The following LIMA1 variants were observed in gnomAD, a reference collection of about 807,000 sequenced individuals.
LIMA1 encodes LIM domain and actin-binding protein 1.
Under a neutral mutation model 62.6 loss-of-function variants are expected in LIMA1, and 52 were observed. The ratio of observed to expected loss-of-function variants is 0.83; its 90% CI spans 0.67 to 1.05. The LOEUF is 1.05. Among genes scored for constraint, LIMA1 ranks in the 50% least tolerant of loss-of-function variants. LIMA1 has a pLI of 0.00. For missense variants in LIMA1, 780 were observed against 902.2 expected, an observed-to-expected ratio of 0.86 and a Z score of 1.74; for synonymous variants, 302 against 317.8, an observed-to-expected ratio of 0.95 and a Z score of 0.53.
At chr12:50,181,404 G>C (rs1486150839) in intron 10 of LIMA1, among the ~76,000 whole-genome samples, 1 of 152,136 alleles carries the variant, frequency 6.6e-6, no homozygotes, top group Non-Finnish European at 1.5e-5. Flanking sequence ...TCCCCGATTT[G>C]TCACATTTAT....
intron 1 of LIMA1, among the ~76,000 whole-genome samples, chr12:50,251,438 T>C (rs1197748651): frequency 6.6e-6 from 1 of 151,980 alleles, no homozygotes; most frequent in East Asian, 1.9e-4. Context: ...CTGACCAACA[T>C]GGTGAAACCC....
At chr12:50,192,330 G>T in intron 9 of LIMA1, 122 bp downstream of exon 9, 1 of 748,928 alleles carries the variant, frequency 1.3e-6, no homozygotes, top group Non-Finnish European at 2.4e-6. Context: ...GTGCTCTTCT[G>T]TGGCATTATC....
intron 2 of LIMA1, among the ~76,000 whole-genome samples, chr12:50,243,465 A>T (rs1034693133): frequency 6.6e-6 from 1 of 152,102 alleles, no homozygotes; most frequent in African/African-American, 2.4e-5. Flanking sequence ...ACCACCCTCA[A>T]CGCGCCTGAT....
At chr12:50,274,113 G>A (rs1942246758) in intron 1 of LIMA1, among the ~76,000 whole-genome samples, 1 of 152,070 alleles carries the variant, frequency 6.6e-6, no homozygotes, top group Admixed American at 6.6e-5. Flanking sequence ...GAACCCAGAT[G>A]GACCGACCTC....
At chr12:50,205,392 C>G (rs1941132974) in intron 5 of LIMA1, among the ~76,000 whole-genome samples, 1 of 152,002 alleles carries the variant, frequency 6.6e-6, no homozygotes, top group African/African-American at 2.4e-5. Context: ...AAAATTCTGG[C>G]TAATTTAACA....
intron 3 of LIMA1, among the ~76,000 whole-genome samples, chr12:50,226,158 C>T (rs1012595041): frequency 6.6e-6 from 1 of 151,920 alleles, no homozygotes; most frequent in Non-Finnish European, 1.5e-5. Context: ...GTGATCCTGC[C>T]ACCTCTGCCT....
chr12:50,190,933 C>A (rs968266288), intron 9 of LIMA1, among the ~76,000 whole-genome samples: 2 of 150,756 alleles, frequency 1.3e-5, no homozygotes. Context: ...GCTTGGGCAA[C>A]ATAGTGAGAC....
intron 2 of LIMA1, among the ~76,000 whole-genome samples, chr12:50,246,631 G>A (rs1316368971): frequency 4.6e-5 from 7 of 152,132 alleles, no homozygotes; most frequent in Admixed American, 4.6e-4. Flanking sequence ...TGCGTTCCCT[G>A]GTTTTCTTAC....
chr12:50,203,988 T>C (rs552686817), intron 6 of LIMA1, among the ~76,000 whole-genome samples: 1 of 152,286 alleles, frequency 6.6e-6, no homozygotes, highest in East Asian at 1.9e-4. Flanking sequence ...GGAAAGGTTC[T>C]GGAATTAAAC....
At chr12:50,270,845 C>G (rs1217121688) in intron 1 of LIMA1, among the ~76,000 whole-genome samples, 1 of 152,220 alleles carries the variant, frequency 6.6e-6, no homozygotes, top group East Asian at 1.9e-4. Flanking sequence ...GTAATCCCAG[C>G]ACTTTGGGAG....
At chr12:50,192,221 C>T (rs573673961) in intron 9 of LIMA1, among the ~76,000 whole-genome samples, 5 of 151,710 alleles carry the variant, frequency 3.3e-5, no homozygotes, top group African/African-American at 7.3e-5. Flanking sequence ...ATGAGTTTTC[C>T]AGAGTTCAAA....
At chr12:50,181,117 A>AC (rs1430878497) in intron 10 of LIMA1, among the ~76,000 whole-genome samples, 1 of 150,314 alleles carries the variant, frequency 6.7e-6, no homozygotes, top group Non-Finnish European at 1.5e-5. Context: ...GTATCCAAAA[A>AC]AAAAAAAAAA....
At chr12:50,263,815 CTATATA>C (rs1299778798) in intron 1 of LIMA1, among the ~76,000 whole-genome samples, 1 of 95,700 alleles carries the variant, frequency 1.0e-5, no homozygotes, top group Non-Finnish European at 2.0e-5. Flanking sequence ...GTGTGTGTGT[CTATATA>C]TATATAGAGA....
intron 9 of LIMA1, among the ~76,000 whole-genome samples, chr12:50,183,031 G>A (rs1389995349): frequency 7.3e-5 from 11 of 151,522 alleles, no homozygotes; most frequent in African/African-American, 1.2e-4. Context: ...GTGAAACCCC[G>A]TCTCCAGTAA....
chr12:50,273,701 C>G (rs892058968), intron 1 of LIMA1, among the ~76,000 whole-genome samples: 3 of 152,180 alleles, frequency 2.0e-5, no homozygotes, highest in Non-Finnish European at 4.4e-5. Context: ...AATCAGTACA[C>G]TGTCTAAACA....
intron 1 of LIMA1, among the ~76,000 whole-genome samples, chr12:50,249,130 A>G (rs1295759104): frequency 1.3e-5 from 2 of 152,214 alleles, no homozygotes; most frequent in African/African-American, 4.8e-5. Flanking sequence ...GCATCTCAGT[A>G]GAGCCAGGTC....
chr12:50,260,154 T>C (rs1021411598), intron 1 of LIMA1, among the ~76,000 whole-genome samples: 1 of 151,758 alleles, frequency 6.6e-6, no homozygotes, highest in Non-Finnish European at 1.5e-5. Context: ...TTTCTTTTTT[T>C]TTTTTTTTTT....
At chr12:50,240,728 C>T (rs1268946784) in intron 2 of LIMA1, among the ~76,000 whole-genome samples, 2 of 152,116 alleles carry the variant, frequency 1.3e-5, no homozygotes, top group Non-Finnish European at 2.9e-5. Flanking sequence ...GTGTCCGGAG[C>T]TCAGAAGAAA....
Position 50,215,564 on chromosome 12 carries a change from G to C in LIMA1, c.630+6457C>G, listed in dbSNP as rs1288340629. Among the ~76,000 whole-genome samples, 5 of 152,184 alleles carry C rather than the reference G, an allele frequency of 3.3e-5. No individual in the cohort carries two copies. In the East Asian group the frequency reaches 9.7e-4, roughly 30 times the overall value. On this transcript the variant is annotated intron_variant, in intron 4 of 10. Transcript: ENST00000341247. ...GGCTCACTGCAAGCTCCGCCTCCCGGGTTCACGCCATTCTCCTGCCTCAGC... is the reference window on the plus strand; with the variant it reads ...GGCTCACTGCAAGCTCCGCCTCCCGCGTTCACGCCATTCTCCTGCCTCAGC...
Sources: gnomAD v4.1 joint callset for allele counts (sites outside exome capture counted in the v4.1 genomes callset) on GRCh38, gnomAD v4.1.1 for gene constraint, MANE v1.5 for transcripts, NCBI Gene and HGNC (gene_info 2026-07-23, HGNC 2026-07-21) for gene names.